The following PRKAR1B variants were observed in gnomAD, a reference collection of about 807,000 sequenced individuals.
PRKAR1B encodes the protein cAMP-dependent protein kinase type I-beta regulatory subunit.
In PRKAR1B, 22 loss-of-function variants were observed where a neutral mutation model predicts 46.5. The observed-to-expected ratio is 0.47, with a 90% CI of 0.34 to 0.68. The LOEUF is 0.68. Ranked by LOEUF, PRKAR1B falls within the 30% of genes least tolerant of loss-of-function variation. PRKAR1B has a pLI of 0.01. For missense variants in PRKAR1B, 445 were observed against 535.6 expected (o/e 0.83, Z 1.67); for synonymous variants, 259 against 217.7 (o/e 1.19, Z -1.67).
chr7:635,953 C>T (rs1386522422), intron 4 of PRKAR1B, among the ~76,000 whole-genome samples: 11 of 112,228 alleles, frequency 9.8e-5, no homozygotes, highest in African/African-American at 2.6e-4. Flanking sequence ...CATCCTCCAC[C>T]GGCCGCGCCC....
chr7:557,089 C>T (rs1053546804), intron 9 of PRKAR1B, among the ~76,000 whole-genome samples: 2 of 152,222 alleles, frequency 1.3e-5, no homozygotes, highest in South Asian at 2.1e-4. Flanking sequence ...CAACCAGAGT[C>T]GGGGAGGAAC....
chr7:702,885 C>T (rs1227392808), intron 2 of PRKAR1B, among the ~76,000 whole-genome samples: 2 of 151,522 alleles, frequency 1.3e-5, no homozygotes, highest in Non-Finnish European at 2.9e-5. Flanking sequence ...ATAATATATA[C>T]TATACTATAT....
rs1290858289 is a variant in PRKAR1B, at chr7:666,627, G to A, written c.440+10602C>T. On this transcript the variant is annotated intron_variant, in intron 4 of 10. Transcript: ENST00000537384. The surrounding 1 kb of genome is among the most constrained non-coding windows in gnomAD (Gnocchi z 4.9). ...CAACAGGCCAAGGCCCCCTCTCACT[G>A]GGTCTCAGAGCTCTGTTCAGTACAG... Among the ~76,000 whole-genome samples, 1 of 152,206 alleles carries A rather than the reference G, an allele frequency of 6.6e-6. No homozygotes were observed. The highest frequency in any genetic ancestry group is 2.4e-5 in the African/African-American group (1 of 41,446).
intron 2 of PRKAR1B, among the ~76,000 whole-genome samples, chr7:708,388 A>G (rs1780442207): frequency 1.3e-5 from 2 of 152,226 alleles, no homozygotes; most frequent in South Asian, 4.1e-4. Context: ...TGGTTCTAGA[A>G]TCTCTAAGGA....
In PRKAR1B at chr7:555,005, G is replaced by A. The variant is rs577040351; in HGVS notation, c.892-3535C>T. Among the ~76,000 whole-genome samples the A allele has an allele frequency of 5.3e-5, 8 of 152,298 alleles. No individual in the cohort carries two copies. In the South Asian group the frequency reaches 1.5e-3, roughly 28 times the overall value. On this transcript the variant is annotated intron_variant, in intron 9 of 10. Coordinates refer to ENST00000537384, the MANE Select transcript of PRKAR1B (RefSeq NM_001164760.2). ...TCATGGGGGCACAGAGGCTGCCGTG[G>A]CTCCGGGAGTCACCACAGGCCACCC...
intron 4 of PRKAR1B, among the ~76,000 whole-genome samples, chr7:621,140 A>G (rs1783089253): frequency 6.6e-6 from 1 of 152,238 alleles, no homozygotes. Context: ...AGTACAGTAC[A>G]TACAATGATC....
chr7:588,013 C>T (rs144096748), intron 7 of PRKAR1B, among the ~76,000 whole-genome samples: 1 of 152,184 alleles, frequency 6.6e-6, no homozygotes, highest in Non-Finnish European at 1.5e-5. Flanking sequence ...TATTCTGGGC[C>T]CTGGTGGCCA....
rs549524337 is a variant in PRKAR1B at position 593,902 on chromosome 7, C to T, written c.708+2244G>A. Among the ~76,000 whole-genome samples the T allele has an allele frequency of 3.8e-4, 58 of 152,172 alleles. No individual in the cohort carries two copies. The highest frequency in any genetic ancestry group is 7.2e-4 in the Non-Finnish European group (49 of 68,010). On this transcript the variant is annotated intron_variant, in intron 7 of 10. Coordinates refer to ENST00000537384, the MANE Select transcript of PRKAR1B (RefSeq NM_001164760.2). This position sits in a 1 kb window ranked among gnomAD's most constrained non-coding sequence, Gnocchi z 6.1. Reference sequence around the variant, plus strand: ...GGGGTGCAGAATCTGATGAAACAGCCGCCCCAAAGACTGTGCGAACGCGCC... The same window carrying T: ...GGGGTGCAGAATCTGATGAAACAGCTGCCCCAAAGACTGTGCGAACGCGCC...
At chr7:724,973 G>A (rs891870211) in intron 1 of PRKAR1B, among the ~76,000 whole-genome samples, 4 of 152,364 alleles carry the variant, frequency 2.6e-5, no homozygotes, top group Non-Finnish European at 5.9e-5. Flanking sequence ...CCAGCACTCT[G>A]GGAGGCTGAG....
chr7:573,197 GA>G (rs1211685188), intron 9 of PRKAR1B, among the ~76,000 whole-genome samples: 6 of 152,224 alleles, frequency 3.9e-5, no homozygotes, highest in Admixed American at 2.6e-4. Flanking sequence ...AAGTGAAAAA[GA>G]TCCAGGTTGC....
At chr7:581,325 A>G (rs112111431) in intron 8 of PRKAR1B, among the ~76,000 whole-genome samples, 60,372 of 146,022 alleles carry the variant, frequency 0.41, 13,356 homozygotes, top group African/African-American at 0.48. Context: ...AAAAAAAAAA[A>G]GTCTGTACCA....
intron 3 of PRKAR1B, among the ~76,000 whole-genome samples, chr7:677,753 G>A (rs182993097): frequency 9.6e-4 from 146 of 152,262 alleles, no homozygotes; most frequent in African/African-American, 3.4e-3. Context: ...ATGCAGTCAC[G>A]TGTCACGTAA....
In PRKAR1B at chr7:680,606, C is replaced by T. The variant is rs764074623; in HGVS notation, c.298G>A (p.Val100Met). 10 of 1,612,944 alleles carry T rather than the reference C, an allele frequency of 6.2e-6. No individual in the cohort carries two copies. The highest frequency in any genetic ancestry group is 8.5e-6 in the Non-Finnish European group (10 of 1,179,840). ...TCCTCGGTGTACACCTCGGCACTCA[C>T]GCCTCCTCGCCGGCGGCGGGCCTTC... ...VVKARRRRGG[V>M]SAEVYTEEDA... is the part of the protein sequence containing the mutation. Residue 100 changes from valine (V) to methionine (M), a missense_variant, in exon 3 of 11, where the codon GTG becomes ATG. Val to Met is a conservative substitution (Grantham distance 21). This residue lies in a region of PRKAR1B where 94 missense variants were observed against 126.9 expected (regional missense o/e 0.74). Transcript: ENST00000537384.
At chr7:628,900 G>A (rs774952494) in intron 4 of PRKAR1B, among the ~76,000 whole-genome samples, 1 of 151,598 alleles carries the variant, frequency 6.6e-6, no homozygotes, top group Non-Finnish European at 1.5e-5. Context: ...CTCAGGGTTC[G>A]TCGGGGACGG....
chr7:660,740 C>A (rs1785484169), intron 4 of PRKAR1B, among the ~76,000 whole-genome samples: 1 of 133,426 alleles, frequency 7.5e-6, no homozygotes, highest in Non-Finnish European at 1.6e-5. Context: ...GTCCCCACCC[C>A]AACGGGTCCA....
intron 7 of PRKAR1B, among the ~76,000 whole-genome samples, chr7:586,997 C>T (rs1405922984): frequency 2.6e-5 from 4 of 151,768 alleles, no homozygotes; most frequent in Non-Finnish European, 4.4e-5. Context: ...CATTCTCCTG[C>T]CTCAGCCTCC....
chr7:672,051 C>T (rs1489206684), intron 4 of PRKAR1B, among the ~76,000 whole-genome samples: 1 of 152,194 alleles, frequency 6.6e-6, no homozygotes, highest in Non-Finnish European at 1.5e-5. Flanking sequence ...ATGAGGACAG[C>T]ACCCGTTCCC....
In PRKAR1B at chr7:645,190, G is replaced by A. The variant is rs906399827; in HGVS notation, c.440+32039C>T. On this transcript the variant is annotated intron_variant, in intron 4 of 10. Transcript: ENST00000537384. ...GGCAGCAGGCACAGCATGAGAACCC[G>A]GCCTGCAGCACCCAAGTCCGGTCCT... 4.6e-5 allele frequency among the ~76,000 whole-genome samples: 7 copies of A among 152,118 alleles called. 1 individual carries two copies. Among genetic ancestry groups the A allele is most frequent in the Non-Finnish European group, 8.8e-5 (6 of 68,024 alleles).
intron 2 of PRKAR1B, among the ~76,000 whole-genome samples, chr7:681,163 G>A (rs7782360): frequency 9.9e-4 from 150 of 152,018 alleles, no homozygotes; most frequent in Non-Finnish European, 1.5e-3. Context: ...GTGAAGAAGC[G>A]GCTCTGCTTC....
Sources: allele counts gnomAD v4.1 joint callset (sites outside exome capture counted in the v4.1 genomes callset), GRCh38; gene constraint gnomAD v4.1.1; regional missense constraint gnomAD v4.1.1; non-coding constraint Gnocchi (gnomAD v3.1); transcripts MANE v1.5; gene names NCBI Gene and HGNC (gene_info 2026-07-23, HGNC 2026-07-21).